Variants in KCNJ3 observed in about 807,000 individuals in gnomAD.
KCNJ3 encodes the protein potassium inwardly rectifying channel subfamily J member 3, also known as G protein-activated inward rectifier potassium channel 1.
A neutral mutation model predicts 39.2 loss-of-function variants in KCNJ3; 4 were observed. The observed-to-expected ratio is 0.10, with a 90% CI of 0.05 to 0.23. The LOEUF is 0.23. Among genes scored for constraint, KCNJ3 ranks in the 10% least tolerant of loss-of-function variants. The pLI, the probability that KCNJ3 is intolerant of heterozygous loss-of-function variation, is 1.00. For synonymous variants in KCNJ3, 230 were observed against 237.4 expected (o/e 0.97, Z 0.29); for missense variants, 276 against 634.9 (o/e 0.43, Z 6.08).
chr2:154,789,324 A>G (rs545153718), intron 2 of KCNJ3, among the ~76,000 whole-genome samples: 35 of 152,032 alleles, frequency 2.3e-4, no homozygotes, highest in Admixed American at 3.9e-4. Context: ...GGGCTTTTAT[A>G]TGAGGAAAAC....
intron 2 of KCNJ3, among the ~76,000 whole-genome samples, chr2:154,821,287 G>A (rs558819913): frequency 5.9e-5 from 9 of 152,146 alleles, no homozygotes; most frequent in Non-Finnish European, 1.2e-4. Flanking sequence ...AGTGAAAATG[G>A]TATTAGGAGA....
chr2:154,700,967 G>C (rs1398948134), intron 1 of KCNJ3, among the ~76,000 whole-genome samples: 1 of 152,090 alleles, frequency 6.6e-6, no homozygotes, highest in Admixed American at 6.5e-5. Flanking sequence ...AATAATTTGG[G>C]TAGATCATAT....
chr2:154,701,578 C>G (rs1265210488), intron 1 of KCNJ3, among the ~76,000 whole-genome samples: 1 of 151,948 alleles, frequency 6.6e-6, no homozygotes, highest in African/African-American at 2.4e-5. Flanking sequence ...GGAAATGTAC[C>G]ACATATACCA....
At chr2:154,705,282 G>A (rs1684983956) in intron 1 of KCNJ3, among the ~76,000 whole-genome samples, 1 of 152,170 alleles carries the variant, frequency 6.6e-6, no homozygotes, top group South Asian at 2.1e-4. Flanking sequence ...AAGGAGGGGG[G>A]CCAAATGTGG....
At chr2:154,840,592 T>C (rs1272141790) in intron 2 of KCNJ3, among the ~76,000 whole-genome samples, 1 of 152,236 alleles carries the variant, frequency 6.6e-6, no homozygotes, top group Non-Finnish European at 1.5e-5. Context: ...TCCATTTATT[T>C]GTGTCCTCTT....
chr2:154,746,219 A>G (rs916432487), intron 2 of KCNJ3, among the ~76,000 whole-genome samples: 8 of 151,984 alleles, frequency 5.3e-5, no homozygotes, highest in Admixed American at 4.6e-4. Context: ...AACATATAAC[A>G]TTAAAATATT....
In KCNJ3 at chr2:154,709,683, A is replaced by G. The variant is rs1297320759; in HGVS notation, c.783A>G (p.Gln261=). 5.0e-6 allele frequency: 8 copies of G among 1,613,818 alleles called. No individual in the cohort carries two copies. Among genetic ancestry groups the G allele is most frequent in the Admixed American group, 1.7e-5 (1 of 59,988 alleles). The change falls in exon 2 of 3, where the codon CAA becomes CAG. Residue 261 remains glutamine (Q), a synonymous_variant. Transcript: ENST00000295101. ...LDVGFSTGAD[Q]LFLVSPLTIC... is the part of the protein sequence containing the mutation. ...TAGGTTTTAGTACAGGGGCAGATCAACTTTTTCTTGTGTCCCCCCTCACAA... is the reference window on the plus strand; with the variant it reads ...TAGGTTTTAGTACAGGGGCAGATCAGCTTTTTCTTGTGTCCCCCCTCACAA...
At chr2:154,783,368 G>A (rs1198478178) in intron 2 of KCNJ3, among the ~76,000 whole-genome samples, 2 of 152,106 alleles carry the variant, frequency 1.3e-5, no homozygotes, top group African/African-American at 4.8e-5. Context: ...TCTGTTCTTT[G>A]TTGGATTCTT....
chr2:154,779,373 A>G (rs1037248796), intron 2 of KCNJ3, among the ~76,000 whole-genome samples: 1 of 150,622 alleles, frequency 6.6e-6, no homozygotes, highest in African/African-American at 2.4e-5. Flanking sequence ...TCCTCCTAGC[A>G]TCCTAAAGGA....
At chr2:154,810,041 C>T (rs1219510237) in intron 2 of KCNJ3, among the ~76,000 whole-genome samples, 1 of 135,034 alleles carries the variant, frequency 7.4e-6, no homozygotes, top group Non-Finnish European at 1.7e-5. Context: ...AAATACGGTT[C>T]TAACAATGAT....
intron 1 of KCNJ3, among the ~76,000 whole-genome samples, chr2:154,705,546 T>C (rs1222018151): frequency 6.6e-6 from 1 of 152,186 alleles, no homozygotes; most frequent in African/African-American, 2.4e-5. Flanking sequence ...CAAAGGCCTT[T>C]GACTTGAATT....
At chr2:154,794,569 A>G (rs1558875782) in intron 2 of KCNJ3, among the ~76,000 whole-genome samples, 1 of 152,022 alleles carries the variant, frequency 6.6e-6, no homozygotes, top group South Asian at 2.1e-4. Flanking sequence ...GAATAAATAT[A>G]TCTAGAAGAG....
At chr2:154,790,067 A>T (rs1239733777) in intron 2 of KCNJ3, among the ~76,000 whole-genome samples, 1 of 152,134 alleles carries the variant, frequency 6.6e-6, no homozygotes, top group Admixed American at 6.6e-5. Context: ...CATGTTTCAT[A>T]AATGCCACTG....
intron 2 of KCNJ3, among the ~76,000 whole-genome samples, chr2:154,798,283 A>G (rs1038788448): frequency 6.6e-6 from 1 of 152,016 alleles, no homozygotes; most frequent in Non-Finnish European, 1.5e-5. Context: ...TGAAAGACAT[A>G]TGGTTAAACT....
intron 2 of KCNJ3, among the ~76,000 whole-genome samples, chr2:154,767,465 T>C (rs540094980): frequency 1.3e-5 from 2 of 152,300 alleles, no homozygotes; most frequent in East Asian, 3.9e-4. Flanking sequence ...GATAGTTTGC[T>C]GAGAATGATG....
At chr2:154,756,703 A>G (rs1685942925) in intron 2 of KCNJ3, among the ~76,000 whole-genome samples, 1 of 152,130 alleles carries the variant, frequency 6.6e-6, no homozygotes, top group Non-Finnish European at 1.5e-5. Context: ...TGGCACGTGT[A>G]TACCTATGTA....
Position 154,741,693 on chromosome 2 carries a change from T to G in KCNJ3, c.919+31874T>G, listed in dbSNP as rs180864447. ...TGACTTGAGGTTTATGATGGCAGAT[T>G]AAACATGTGAGTTTAGTTCCCCTCA... On this transcript the variant is annotated intron_variant, in intron 2 of 2. Coordinates refer to ENST00000295101, the MANE Select transcript of KCNJ3 (RefSeq NM_002239.4). 1.8e-4 allele frequency among the ~76,000 whole-genome samples: 28 copies of G among 152,024 alleles called. No individual in the cohort carries two copies. In the East Asian group the frequency reaches 5.2e-3, roughly 28 times the overall value.
intron 2 of KCNJ3, among the ~76,000 whole-genome samples, chr2:154,757,080 A>T (rs890098268): frequency 5.3e-5 from 8 of 151,782 alleles, no homozygotes; most frequent in African/African-American, 1.9e-4. Flanking sequence ...TCAAAGTATT[A>T]TATATATATA....
At chr2:154,798,730 G>T (rs1158136718) in intron 2 of KCNJ3, among the ~76,000 whole-genome samples, 3 of 152,274 alleles carry the variant, frequency 2.0e-5, no homozygotes, top group Admixed American at 6.5e-5. Context: ...TTAGCATAAT[G>T]TCCTCAAGGT....
Sources: allele counts gnomAD v4.1 joint callset (sites outside exome capture counted in the v4.1 genomes callset), GRCh38; gene constraint gnomAD v4.1.1; transcripts MANE v1.5; gene names NCBI Gene and HGNC (gene_info 2026-07-23, HGNC 2026-07-21).